Variants in GABRR3 observed in about 807,000 individuals in gnomAD.
GABRR3 encodes the protein gamma-aminobutyric acid type A receptor subunit rho3, also known as gamma-aminobutyric acid receptor subunit rho-3.
In GABRR3, 29 loss-of-function variants were observed where a neutral mutation model predicts 43.2. The ratio of observed to expected loss-of-function variants is 0.67; its 90% CI spans 0.50 to 0.92. GABRR3 has a LOEUF of 0.92. Ranked by LOEUF, GABRR3 falls within the 40% of genes least tolerant of loss-of-function variation. The probability of loss-of-function intolerance (pLI) is 0.00; values close to 1 mark genes in which losing one functional copy is unlikely to be tolerated. For synonymous variants in GABRR3, 206 were observed against 195.9 expected (o/e 1.05, Z -0.43); for missense variants, 576 against 572.3 (o/e 1.01, Z -0.07).
At chr3:97,990,214 G>T (rs1323425876) in intron 9 of GABRR3, among the ~76,000 whole-genome samples, 2 of 152,106 alleles carry the variant, frequency 1.3e-5, no homozygotes, top group African/African-American at 4.8e-5. Flanking sequence ...TATATCACTT[G>T]ATCATCATAA....
chr3:98,012,594 A>AT (rs1186926914), intron 4 of GABRR3, 27 bp from the exon 5 acceptor site: 10 of 1,550,044 alleles, frequency 6.5e-6, no homozygotes, highest in Non-Finnish European at 8.9e-6. Flanking sequence ...AGAGACCAAA[A>AT]AAACCAGTAG....
intron 2 of GABRR3, among the ~76,000 whole-genome samples, chr3:98,027,357 A>G (rs986810881): frequency 6.6e-6 from 1 of 152,242 alleles, no homozygotes; most frequent in Non-Finnish European, 1.5e-5. Flanking sequence ...CATTTAATAA[A>G]TCTAACTACT....
chr3:97,993,196 A>G, intron 8 of GABRR3, 148 bp from the exon 9 acceptor site: 1 of 528,370 alleles, frequency 1.9e-6, no homozygotes, highest in East Asian at 3.2e-5. Context: ...GACCAGCTAT[A>G]TATCTTGAGC....
rs145306501 is a variant in GABRR3, at chr3:98,027,513, A to G, written c.126-1834T>C. On this transcript the variant is annotated intron_variant, in intron 2 of 9. Transcript: ENST00000621172. ...AGAAGCATACCTCTCCATGAGATTG[A>G]AAAGGATAAATCTTAATTAAGAATC... Among the ~76,000 whole-genome samples the G allele has an allele frequency of 6.6e-5, 10 of 152,364 alleles. No individual in the cohort carries two copies. The East Asian group carries it at 1.9e-3, about 29-fold the overall frequency.
At chr3:98,018,127 T>C (rs1342084274) in intron 3 of GABRR3, among the ~76,000 whole-genome samples, 1 of 152,056 alleles carries the variant, frequency 6.6e-6, no homozygotes, top group Non-Finnish European at 1.5e-5. Context: ...AATATGGTAA[T>C]GGTCATATCT....
intron 2 of GABRR3, among the ~76,000 whole-genome samples, chr3:98,034,420 T>A (rs1480646519): frequency 6.6e-6 from 1 of 152,158 alleles, no homozygotes; most frequent in Non-Finnish European, 1.5e-5. Flanking sequence ...ATGGCTTTAA[T>A]GCCTTTTGAT....
Position 98,016,187 on chromosome 3 carries a change from G to C in GABRR3, c.306+1468C>G, listed in dbSNP as rs193037147. Among the ~76,000 whole-genome samples, 400 of 152,244 alleles carry C rather than the reference G, an allele frequency of 2.6e-3. 5 individuals are homozygous for C. The highest frequency in any genetic ancestry group is 3.4e-3 in the Middle Eastern group (1 of 294). On this transcript the variant is annotated intron_variant, in intron 4 of 9. Coordinates refer to ENST00000621172, the Ensembl canonical transcript of GABRR3. ...CCCTCAACATGTCAAGATGAGATTT[G>C]GGTGGGGAACACAGAGCCAAACCAT...
chr3:97,989,833 T>G (rs1383763152), intron 9 of GABRR3, among the ~76,000 whole-genome samples: 2 of 152,140 alleles, frequency 1.3e-5, no homozygotes, highest in African/African-American at 2.4e-5. Context: ...AAGCTAGTGA[T>G]GAAATATTAG....
chr3:98,032,568 A>T (rs1279286059), intron 2 of GABRR3, among the ~76,000 whole-genome samples: 1 of 152,142 alleles, frequency 6.6e-6, no homozygotes, highest in East Asian at 1.9e-4. Context: ...GTAAAAGGGG[A>T]ACATTTTCCA....
chr3:98,006,322 A>G (rs1351005473), intron 7 of GABRR3, among the ~76,000 whole-genome samples: 2 of 152,210 alleles, frequency 1.3e-5, no homozygotes, highest in Non-Finnish European at 2.9e-5. Flanking sequence ...AATATGTGCT[A>G]CTTACATAAT....
chr3:98,014,141 G>A (rs1239205906), intron 4 of GABRR3, among the ~76,000 whole-genome samples: 1 of 152,142 alleles, frequency 6.6e-6, no homozygotes, highest in Non-Finnish European at 1.5e-5. Flanking sequence ...TTTCAAACTG[G>A]GCATGTGAAC....
chr3:97,992,684 A>G (rs1002317381), intron 9 of GABRR3, 168 bp downstream of exon 9: 1 of 238,228 alleles, frequency 4.2e-6, no homozygotes, highest in Non-Finnish European at 6.8e-6. Flanking sequence ...GCCAGCACAG[A>G]GCAGAGGGTA....
chr3:98,004,107 A>C (rs1227418432), intron 7 of GABRR3, among the ~76,000 whole-genome samples: 1 of 152,164 alleles, frequency 6.6e-6, no homozygotes, highest in Non-Finnish European at 1.5e-5. Context: ...AGTCAGTCCC[A>C]AGACAAGAAT....
At chr3:98,011,504 CT>C (rs1706791688) in intron 5 of GABRR3, among the ~76,000 whole-genome samples, 1 of 152,160 alleles carries the variant, frequency 6.6e-6, no homozygotes, top group Non-Finnish European at 1.5e-5. Flanking sequence ...TGTCCTCTAC[CT>C]TTCTATTATA....
intron 8 of GABRR3, among the ~76,000 whole-genome samples, chr3:97,993,528 C>A (rs2107227042): frequency 6.6e-6 from 1 of 152,208 alleles, no homozygotes; most frequent in South Asian, 2.1e-4. Context: ...TAGTAGCATT[C>A]AAGATTGCTA....
chr3:98,022,315 A>C (rs1706958395), intron 3 of GABRR3, among the ~76,000 whole-genome samples: 2 of 152,270 alleles, frequency 1.3e-5, no homozygotes, highest in Admixed American at 1.3e-4. Flanking sequence ...CTGTTTCCAC[A>C]TAATGAGTCA....
intron 8 of GABRR3, chr3:98,001,038 T>G (rs1706633472): frequency 6.5e-6 from 1 of 153,184 alleles, no homozygotes; most frequent in African/African-American, 2.4e-5. Flanking sequence ...ACCTAAAATC[T>G]CCTGCCAACT....
intron 9 of GABRR3, among the ~76,000 whole-genome samples, chr3:97,989,526 G>A (rs539191034): frequency 6.6e-6 from 1 of 151,778 alleles, no homozygotes; most frequent in Non-Finnish European, 1.5e-5. Flanking sequence ...GTGGATGGTA[G>A]TAGTAATGGT....
At chr3:98,003,157 T>G (rs1478992396) in intron 7 of GABRR3, among the ~76,000 whole-genome samples, 1 of 152,158 alleles carries the variant, frequency 6.6e-6, no homozygotes, top group Non-Finnish European at 1.5e-5. Flanking sequence ...CATTGTCTTG[T>G]ATCACCTACA....
Sources: allele counts gnomAD v4.1 joint callset (sites outside exome capture counted in the v4.1 genomes callset), GRCh38; gene constraint gnomAD v4.1.1; transcripts MANE v1.5; gene names NCBI Gene and HGNC (gene_info 2026-07-23, HGNC 2026-07-21).